Variants in AQP6 observed in about 807,000 individuals in gnomAD.
AQP6 encodes the protein aquaporin 6.
Under a neutral mutation model 16.3 loss-of-function variants are expected in AQP6, and 14 were observed. The ratio of observed to expected loss-of-function variants is 0.86; its 90% CI spans 0.57 to 1.34. The LOEUF is 1.34. Among genes scored for constraint, AQP6 ranks in the 40% most tolerant of loss-of-function variants. AQP6 has a pLI of 0.00. For synonymous variants in AQP6, 178 were observed against 166.8 expected, an observed-to-expected ratio of 1.07 and a Z score of -0.52; for missense variants, 331 against 379.7, an observed-to-expected ratio of 0.87 and a Z score of 1.07.
At chr12:49,973,873 G>A in intron 1 of AQP6, 3 of 1,239,076 alleles carry the variant, frequency 2.4e-6, no homozygotes, top group Non-Finnish European at 3.1e-6. Context: ...TGCGGGGCCT[G>A]TGGGTAGAGA....
Position 49,976,883 on chromosome 12 carries a change from G to A in AQP6, c.*1212G>A, listed in dbSNP as rs916310097. The A allele has an allele frequency of 4.9e-5, 34 of 692,962 alleles. No homozygotes were observed. The African/African-American group carries it at 5.5e-4, about 11-fold the overall frequency. The allele number at this position is 692,962 out of a possible 1,614,324, so 42.9% of individuals were successfully genotyped here. A position where few individuals can be genotyped will look rare whatever the true frequency, so the allele number is the denominator to read the frequency against. Reference sequence around the variant, plus strand: ...AAGCCCTAAGGGTGGTAGGAACCCAGGAGGGACCCAGGAAACTAAGATTTG... The same window carrying A: ...AAGCCCTAAGGGTGGTAGGAACCCAAGAGGGACCCAGGAAACTAAGATTTG... On this transcript the variant is annotated 3_prime_UTR_variant, in exon 4 of 4. Coordinates refer to ENST00000315520, the MANE Select transcript of AQP6 (RefSeq NM_001652.4).
At position 49,976,751 on chromosome 12, in the gene AQP6, T is replaced by C. The variant is rs1947577580; in HGVS notation, c.*1080T>C. ...ACAGCCCACTCTCAGGCAGGAACAATCCTCAGAGGGGAAGTGCCCATCTAG... is the reference window on the plus strand; with the variant it reads ...ACAGCCCACTCTCAGGCAGGAACAACCCTCAGAGGGGAAGTGCCCATCTAG... On this transcript the variant is annotated 3_prime_UTR_variant, in exon 4 of 4. Coordinates refer to ENST00000315520, the MANE Select transcript of AQP6 (RefSeq NM_001652.4). 1 of 531,458 alleles carries C rather than the reference T, an allele frequency of 1.9e-6. No homozygotes were observed. The highest frequency in any genetic ancestry group is 1.9e-5 in the African/African-American group (1 of 51,882). 32.9% of individuals were successfully genotyped at this position (531,458 alleles called of 1,614,324 possible).
In AQP6 at chr12:49,972,990, C is replaced by A; in HGVS notation, c.-184C>A. The A allele has an allele frequency of 1.2e-6, 1 of 829,542 alleles. No individual in the cohort carries two copies. Among genetic ancestry groups the A allele is most frequent in the Non-Finnish European group, 1.8e-6 (1 of 549,038 alleles). The allele number at this position is 829,542 out of a possible 1,614,324, so 51.4% of individuals were successfully genotyped here. A position where few individuals can be genotyped will look rare whatever the true frequency, so the allele number is the denominator to read the frequency against. On this transcript the variant is annotated 5_prime_UTR_variant, in exon 1 of 4. Coordinates refer to ENST00000315520, the MANE Select transcript of AQP6 (RefSeq NM_001652.4). ...ATCCGCCTGCGCCCTGCCAGTCTGACCAGCACAGTCCTGGGGACAGGAGCG... is the reference window on the plus strand; with the variant it reads ...ATCCGCCTGCGCCCTGCCAGTCTGAACAGCACAGTCCTGGGGACAGGAGCG...
chr12:49,975,780 G>A lies in AQP6; in HGVS notation c.*109G>A. The A allele has an allele frequency of 4.3e-6, 6 of 1,387,312 alleles. No homozygotes were observed. The highest frequency in any genetic ancestry group is 4.7e-6 in the Non-Finnish European group (5 of 1,058,158). 85.9% of individuals were successfully genotyped at this position (1,387,312 alleles called of 1,614,324 possible). On this transcript the variant is annotated 3_prime_UTR_variant, in exon 4 of 4. Transcript: ENST00000315520. This position sits in a 1 kb window ranked among gnomAD's most constrained non-coding sequence, Gnocchi z 4.4. ...GAGGCTTGACCTTTTGTCCTGACCA[G>A]GTGGGCTGGAGGGGACAAGCCCTAT...
Position 49,974,340 on chromosome 12 carries a change from C to T in AQP6, c.419C>T (p.Ser140Leu). The change falls in exon 2 of 4, where the codon TCA (serine) becomes TTA (leucine). Residue 140 changes from serine to leucine, a missense_variant. Coordinates refer to ENST00000315520, the MANE Select transcript of AQP6 (RefSeq NM_001652.4). ...TCTGTCCAGGTCCGGAACAGTGTCTCAACTGGCCAGGCGGTGGCAGTGGAG... is the reference window on the plus strand; with the variant it reads ...TCTGTCCAGGTCCGGAACAGTGTCTTAACTGGCCAGGCGGTGGCAGTGGAG... ...LGINVVRNSV[S>L]TGQAVAVELL... The T allele has an allele frequency of 1.9e-6, 3 of 1,590,164 alleles. No individual in the cohort carries two copies. Among genetic ancestry groups the T allele is most frequent in the Middle Eastern group, 1.7e-4 (1 of 5,950 alleles).
chr12:49,976,885 A>G lies in AQP6; in HGVS notation c.*1214A>G, dbSNP rs1947578684. 1.4e-6 allele frequency: 1 copy of G among 693,340 alleles called. No individual in the cohort carries two copies. Among genetic ancestry groups the G allele is most frequent in the Non-Finnish European group, 2.6e-6 (1 of 380,154 alleles). 42.9% of individuals were successfully genotyped at this position (693,340 alleles called of 1,614,324 possible). A position where few individuals can be genotyped will look rare whatever the true frequency, so the allele number is the denominator to read the frequency against. ...GCCCTAAGGGTGGTAGGAACCCAGG[A>G]GGGACCCAGGAAACTAAGATTTGAG... On this transcript the variant is annotated 3_prime_UTR_variant, in exon 4 of 4. Transcript: ENST00000315520.
chr12:49,975,785 G>C lies in AQP6; in HGVS notation c.*114G>C. On this transcript the variant is annotated 3_prime_UTR_variant, in exon 4 of 4. Transcript: ENST00000315520. The surrounding 1 kb of genome is among the most constrained non-coding windows in gnomAD (Gnocchi z 4.4). ...TTGACCTTTTGTCCTGACCAGGTGG[G>C]CTGGAGGGGACAAGCCCTATCCCTG... 1 of 1,355,084 alleles carries C rather than the reference G, an allele frequency of 7.4e-7. No homozygotes were observed. Among genetic ancestry groups the C allele is most frequent in the Non-Finnish European group, 9.7e-7 (1 of 1,030,788 alleles). 83.9% of individuals were successfully genotyped at this position (1,355,084 alleles called of 1,614,324 possible).
rs772813371 is a variant in AQP6, at chr12:49,975,482, C to T, written c.660C>T (p.Pro220=). 21 of 1,604,340 alleles carry T rather than the reference C, an allele frequency of 1.3e-5. No homozygotes were observed. The East Asian group carries it at 4.7e-4, about 36-fold the overall frequency. Residue 220 remains proline, a synonymous_variant, in exon 4 of 4, where the codon CCC becomes CCT. Transcript: ENST00000315520. The surrounding 1 kb of genome is among the most constrained non-coding windows in gnomAD (Gnocchi z 4.4). ...CTCCTCAGGTCTTCTGGGTGGGGCC[C>T]CTGATGGGAGCCCTCCTGGCCTCAC... ...FTVHWVFWVG[P]LMGALLASLI...
Position 49,973,972 on chromosome 12 carries a change from G to A in AQP6, c.403-352G>A, listed in dbSNP as rs983711532. 2.2e-5 allele frequency: 26 copies of A among 1,155,608 alleles called. No individual in the cohort carries two copies. The Admixed American group carries it at 4.7e-4, about 21-fold the overall frequency. The allele number at this position is 1,155,608 out of a possible 1,614,324, so 71.6% of individuals were successfully genotyped here. A position where few individuals can be genotyped will look rare whatever the true frequency, so the allele number is the denominator to read the frequency against. On this transcript the variant is annotated intron_variant, in intron 1 of 3. Coordinates refer to ENST00000315520, the MANE Select transcript of AQP6 (RefSeq NM_001652.4). ...GTTCCCAAGTTCTTCCCTCCACCTC[G>A]AGGCCTGCCTCACTCGCCCCTTCTC...
Position 49,975,207 on chromosome 12 carries a change from G to A in AQP6, c.643-258G>A. On this transcript the variant is annotated intron_variant, in intron 3 of 3. Transcript: ENST00000315520. This position sits in a 1 kb window ranked among gnomAD's most constrained non-coding sequence, Gnocchi z 4.4. Reference sequence around the variant, plus strand: ...TGAGAGGAAAGAGGCGGGGGCGGGTGAGGAGACTGGCCCCAGGCCCCAGCC... The same window carrying A: ...TGAGAGGAAAGAGGCGGGGGCGGGTAAGGAGACTGGCCCCAGGCCCCAGCC... 7.6e-7 allele frequency: 1 copy of A among 1,315,838 alleles called. No homozygotes were observed. Among genetic ancestry groups the A allele is most frequent in the East Asian group, 3.0e-5 (1 of 33,184 alleles). 81.5% of individuals were successfully genotyped at this position (1,315,838 alleles called of 1,614,324 possible). A position where few individuals can be genotyped will look rare whatever the true frequency, so the allele number is the denominator to read the frequency against.
Position 49,973,569 on chromosome 12 carries a change from CA to C in AQP6, c.398del (p.Asn133ThrfsTer19), listed in dbSNP as rs780065481. The C allele has an allele frequency of 3.1e-6, 5 of 1,600,398 alleles. No individual in the cohort carries two copies. The highest frequency in any genetic ancestry group is 1.7e-6 in the Non-Finnish European group (2 of 1,173,112). On this transcript the variant is annotated frameshift_variant, in exon 1 of 4. Transcript: ENST00000315520. LOFTEE classifies it high-confidence loss of function. Reference sequence around the variant, plus strand: ...GAGACATCCGAGAGACCCTTGGGATCAACGTGGTAGGTGCAGGGAGGGGCAC... The same window carrying C: ...GAGACATCCGAGAGACCCTTGGGATCACGTGGTAGGTGCAGGGAGGGGCAC... ...PGDIRETLGI[N>X]VVRNSVSTGQ... is the part of the protein sequence containing the mutation.
Position 49,977,052 on chromosome 12 carries a change from A to G in AQP6, c.*1381A>G, listed in dbSNP as rs1286058652. ...TAAAATGGACACACAATCCTCCTCC[A>G]GGGACTGCTGTGAAATCAAGAAATC... On this transcript the variant is annotated 3_prime_UTR_variant, in exon 4 of 4. Coordinates refer to ENST00000315520, the MANE Select transcript of AQP6 (RefSeq NM_001652.4). The G allele has an allele frequency of 1.4e-6, 1 of 701,576 alleles. No homozygotes were observed. The highest frequency in any genetic ancestry group is 1.7e-5 in the African/African-American group (1 of 57,220). The allele number at this position is 701,576 out of a possible 1,614,324, so 43.5% of individuals were successfully genotyped here. A position where few individuals can be genotyped will look rare whatever the true frequency, so the allele number is the denominator to read the frequency against.
In AQP6 at chr12:49,975,145, C is replaced by G. The variant is rs1947561801; in HGVS notation, c.642+319C>G. On this transcript the variant is annotated intron_variant, in intron 3 of 3. Coordinates refer to ENST00000315520, the MANE Select transcript of AQP6 (RefSeq NM_001652.4). This position sits in a 1 kb window ranked among gnomAD's most constrained non-coding sequence, Gnocchi z 4.4. ...ACACACACACCAGCAGAGACAGAAACAGCAATAGCCAGGACTCCTGGCTAA... is the reference window on the plus strand; with the variant it reads ...ACACACACACCAGCAGAGACAGAAAGAGCAATAGCCAGGACTCCTGGCTAA... The G allele has an allele frequency of 7.7e-7, 1 of 1,292,224 alleles. No individual in the cohort carries two copies. Among genetic ancestry groups the G allele is most frequent in the African/African-American group, 1.5e-5 (1 of 66,268 alleles). 80.0% of individuals were successfully genotyped at this position (1,292,224 alleles called of 1,614,324 possible).
rs377215001 is a variant in AQP6 at position 49,975,551 on chromosome 12, G to C, written c.729G>C (p.Ala243=). Residue 243 remains alanine, a synonymous_variant, in exon 4 of 4, where the codon GCG becomes GCC. Coordinates refer to ENST00000315520, the MANE Select transcript of AQP6 (RefSeq NM_001652.4). The surrounding 1 kb of genome is among the most constrained non-coding windows in gnomAD (Gnocchi z 4.4). ...TGTTCCCCGACACCAAGACCCTGGC[G>C]CAGCGGCTGGCTATCCTCACAGGCA... ...FVLFPDTKTL[A]QRLAILTGTV... is the part of the protein sequence containing the mutation. The C allele has an allele frequency of 6.2e-7, 1 of 1,613,784 alleles. No homozygotes were observed. Among genetic ancestry groups the C allele is most frequent in the Non-Finnish European group, 8.5e-7 (1 of 1,179,860 alleles).
In AQP6 at chr12:49,976,724, C is replaced by T. The variant is rs1472122126; in HGVS notation, c.*1053C>T. Reference sequence around the variant, plus strand: ...CCAGGTGCTTGCCCCAGCTCCCACCCCACAGCCCACTCTCAGGCAGGAACA... The same window carrying T: ...CCAGGTGCTTGCCCCAGCTCCCACCTCACAGCCCACTCTCAGGCAGGAACA... On this transcript the variant is annotated 3_prime_UTR_variant, in exon 4 of 4. Transcript: ENST00000315520. 2.1e-6 allele frequency: 1 copy of T among 485,642 alleles called. No homozygotes were observed. The highest frequency in any genetic ancestry group is 3.6e-6 in the Non-Finnish European group (1 of 275,256). 30.1% of individuals were successfully genotyped at this position (485,642 alleles called of 1,614,324 possible).
intron 2 of AQP6, 40 bp downstream of exon 2, chr12:49,974,522 G>A: frequency 6.4e-7 from 1 of 1,561,164 alleles, no homozygotes; most frequent in Non-Finnish European, 8.7e-7. Flanking sequence ...GCACACACCG[G>A]GTCCGTCCCC....
chr12:49,973,055 C>T lies in AQP6; in HGVS notation c.-119C>T, dbSNP rs948645833. 5 of 1,386,518 alleles carry T rather than the reference C, an allele frequency of 3.6e-6. No individual in the cohort carries two copies. Among genetic ancestry groups the T allele is most frequent in the Non-Finnish European group, 1.9e-6 (2 of 1,050,616 alleles). The allele number at this position is 1,386,518 out of a possible 1,614,324, so 85.9% of individuals were successfully genotyped here. On this transcript the variant is annotated 5_prime_UTR_variant, in exon 1 of 4. An upstream open reading frame in the 5' UTR gains an earlier in-frame stop. Transcript: ENST00000315520. Reference sequence around the variant, plus strand: ...CAGGTGGGGGCCAGAGAAGCCTCCACAGAGAGCAAAAGCCAGGGTCAGCCA... The same window carrying T: ...CAGGTGGGGGCCAGAGAAGCCTCCATAGAGAGCAAAAGCCAGGGTCAGCCA...
rs1947580167 is a variant in AQP6 at position 49,977,028 on chromosome 12, A to G, written c.*1357A>G. 1.0e-5 allele frequency: 7 copies of G among 702,276 alleles called. No individual in the cohort carries two copies. The highest frequency in any genetic ancestry group is 1.6e-5 in the Non-Finnish European group (6 of 384,838). The allele number at this position is 702,276 out of a possible 1,614,324, so 43.5% of individuals were successfully genotyped here. On this transcript the variant is annotated 3_prime_UTR_variant, in exon 4 of 4. Transcript: ENST00000315520. ...TCTGGATCTCGGCTTCTCCAGCTGT[A>G]AAATGGACACACAATCCTCCTCCAG...
chr12:49,974,700 C>T (rs1317572453), intron 2 of AQP6, 46 bp from the exon 3 acceptor site: 1 of 1,600,172 alleles, frequency 6.2e-7, no homozygotes, highest in Non-Finnish European at 8.6e-7. Context: ...CCCTCTCAGG[C>T]CTGCCTTAAA....
Sources: gnomAD v4.1 joint callset for allele counts on GRCh38, gnomAD v4.1.1 for gene constraint, Gnocchi (gnomAD v3.1) non-coding constraint, MANE v1.5 for transcripts, NCBI Gene and HGNC (gene_info 2026-07-23, HGNC 2026-07-21) for gene names.